NAA60: variants seen among roughly 807,000 people sequenced by gnomAD.
NAA60 encodes N-alpha-acetyltransferase 60.
Under a neutral mutation model 26.1 loss-of-function variants are expected in NAA60, and 8 were observed. That is an observed-to-expected ratio of 0.31 (90% CI 0.18 to 0.55). The LOEUF (loss-of-function observed/expected upper bound fraction) is 0.55. Among genes scored for constraint, NAA60 ranks in the 20% least tolerant of loss-of-function variants. NAA60 has a pLI of 0.93. For synonymous variants in NAA60, 131 were observed against 122.5 expected (o/e 1.07, Z -0.46); for missense variants, 290 against 311.3 (o/e 0.93, Z 0.51).
rs751358847 is a variant in NAA60 at position 3,484,699 on chromosome 16, G to A, written c.573G>A (p.Leu191=). 21 of 1,589,108 alleles carry A rather than the reference G, an allele frequency of 1.3e-5. No individual in the cohort carries two copies. Among genetic ancestry groups the A allele is most frequent in the Non-Finnish European group, 1.8e-5 (21 of 1,168,908 alleles). ...GGAATCTTCCTTAACAGAGCCCCAC[G>A]GACTACATCCAGCACCTGGGCTCTG... ...INGGHPPWTI[L]DYIQHLGSAL... The change falls in exon 7 of 8, where the codon TTG becomes TTA. Residue 191 remains leucine (L), a splice_region_variant and synonymous_variant. Coordinates refer to ENST00000407558, the MANE Select transcript of NAA60 (RefSeq NM_001083601.3).
intron 6 of NAA60, 44 bp downstream of exon 6, chr16:3,483,641 A>C: frequency 6.7e-7 from 1 of 1,492,374 alleles, no homozygotes; most frequent in Non-Finnish European, 9.3e-7. Context: ...CTTCCTGTCC[A>C]TAAGGTGGCA....
intron 2 of NAA60, among the ~76,000 whole-genome samples, chr16:3,460,712 G>A (rs549602996): frequency 2.2e-4 from 34 of 152,328 alleles, no homozygotes; most frequent in African/African-American, 7.2e-4. Context: ...AGAAAGCAAG[G>A]CTGGGGTGTG....
chr16:3,465,859 A>G (rs955566778), intron 2 of NAA60, among the ~76,000 whole-genome samples: 1 of 152,164 alleles, frequency 6.6e-6, no homozygotes, highest in Non-Finnish European at 1.5e-5. Flanking sequence ...TGAGACCCCG[A>G]TACCCAGGGT....
At chr16:3,458,010 G>C in intron 2 of NAA60, 1 of 985,382 alleles carries the variant, frequency 1.0e-6, no homozygotes. Flanking sequence ...TGCGCTGCCG[G>C]CAGGGAGCGG....
intron 2 of NAA60, among the ~76,000 whole-genome samples, chr16:3,475,331 C>G (rs2036411294): frequency 6.6e-6 from 1 of 152,168 alleles, no homozygotes; most frequent in East Asian, 1.9e-4. Context: ...CTCAGGCAGT[C>G]CACCCACCTT....
rs1422641804 is a variant in NAA60 at position 3,485,063 on chromosome 16, TA to T, written c.*206+3del. 9.7e-5 allele frequency: 140 copies of T among 1,447,574 alleles called. No homozygotes were observed. The Admixed American group carries it at 9.8e-4, about 10-fold the overall frequency. The allele number at this position is 1,447,574 out of a possible 1,614,324, so 89.7% of individuals were successfully genotyped here. On this transcript the variant is annotated splice_donor_region_variant and intron_variant, in intron 7 of 7. Transcript: ENST00000407558. ...GCAGAGCATGCCCATCCGTGGCAGG[TA>T]CGCCACAGCAGACACAAAGGTATGG...
At chr16:3,481,989 G>A (rs1336373836) in intron 4 of NAA60, among the ~76,000 whole-genome samples, 3 of 152,138 alleles carry the variant, frequency 2.0e-5, no homozygotes, top group Non-Finnish European at 4.4e-5. Flanking sequence ...CAGGTGTGGC[G>A]GTGTCCTCTG....
intron 2 of NAA60, among the ~76,000 whole-genome samples, chr16:3,462,940 A>T (rs1486252757): frequency 6.6e-6 from 1 of 152,228 alleles, no homozygotes; most frequent in African/African-American, 2.4e-5. Context: ...AAATTTCTAA[A>T]TATTTTTTAA....
At chr16:3,477,676 C>T (rs969828111) in intron 3 of NAA60, among the ~76,000 whole-genome samples, 6 of 150,892 alleles carry the variant, frequency 4.0e-5, no homozygotes, top group Non-Finnish European at 5.9e-5. Context: ...GTGGCTCACG[C>T]CTGTAATCCC....
intron 4 of NAA60, among the ~76,000 whole-genome samples, chr16:3,482,245 G>A (rs535594118): frequency 1.3e-5 from 2 of 152,316 alleles, no homozygotes; most frequent in East Asian, 3.9e-4. Flanking sequence ...TCCTTGGCTA[G>A]GCCTCCCACA....
Position 3,483,520 on chromosome 16 carries a change from C to T in NAA60, c.495C>T (p.Tyr165=), listed in dbSNP as rs200743936. ...AGCACCACTATCTCCCCTATTACTA[C>T]TCCATTCGAGGGGTCCTCAAAGATG... ...FKQHHYLPYY[Y]SIRGVLKDGF... The change falls in exon 6 of 8, where the codon TAC becomes TAT. Residue 165 remains tyrosine (Y), a synonymous_variant. Transcript: ENST00000407558. 2.4e-4 allele frequency: 382 copies of T among 1,613,810 alleles called. No homozygotes were observed. Among genetic ancestry groups the T allele is most frequent in the Non-Finnish European group, 3.1e-4 (367 of 1,179,820 alleles).
chr16:3,464,599 C>G (rs2035620630), intron 2 of NAA60, among the ~76,000 whole-genome samples: 1 of 152,150 alleles, frequency 6.6e-6, no homozygotes, highest in South Asian at 2.1e-4. Context: ...CAGACAGATT[C>G]TTGGTTGAGC....
chr16:3,478,729 A>G (rs2036638317), intron 3 of NAA60, among the ~76,000 whole-genome samples: 1 of 152,046 alleles, frequency 6.6e-6, no homozygotes, highest in African/African-American at 2.4e-5. Context: ...TGTAAACTCA[A>G]ACGCCTGTCA....
rs370774169 is a variant in NAA60 at position 3,483,512 on chromosome 16, T to G, written c.487T>G (p.Tyr163Asp). The change falls in exon 6 of 8, where the codon TAT becomes GAT. Residue 163 changes from tyrosine (Y) to aspartate (D), a missense_variant. Coordinates refer to ENST00000407558, the MANE Select transcript of NAA60 (RefSeq NM_001083601.3). ...RDFKQHHYLP[Y>D]YYSIRGVLKD... ...CTTCAAGCAGCACCACTATCTCCCC[T>G]ATTACTACTCCATTCGAGGGGTCCT... is the stretch of plus-strand genomic sequence containing the variant. 1 of 1,613,772 alleles carries G rather than the reference T, an allele frequency of 6.2e-7. No individual in the cohort carries two copies. Among genetic ancestry groups the G allele is most frequent in the African/African-American group, 1.3e-5 (1 of 74,928 alleles).
intron 2 of NAA60, among the ~76,000 whole-genome samples, chr16:3,455,032 A>G (rs1041594094): frequency 1.3e-5 from 2 of 152,050 alleles, no homozygotes; most frequent in Non-Finnish European, 2.9e-5. Context: ...AGAAATAGTT[A>G]TTTTCTCATT....
chr16:3,480,249 C>T (rs536715761), intron 4 of NAA60, among the ~76,000 whole-genome samples: 1 of 152,276 alleles, frequency 6.6e-6, no homozygotes, highest in African/African-American at 2.4e-5. Flanking sequence ...GGGAAAAACC[C>T]ACCAACAACT....
At position 3,485,938 on chromosome 16, in the gene NAA60, G is replaced by T. The variant is rs983648228; in HGVS notation, c.*678G>T. The stretch of plus-strand genomic sequence containing the variant: ...GTTCCTACTCCTCAGCACCTTCCGT[G>T]CAGTTACCAGTGCCCTGGGAGGTCA... On this transcript the variant is annotated 3_prime_UTR_variant, in exon 8 of 8. Coordinates refer to ENST00000407558, the MANE Select transcript of NAA60 (RefSeq NM_001083601.3). 5 of 323,384 alleles carry T rather than the reference G, an allele frequency of 1.5e-5. No homozygotes were observed. The highest frequency in any genetic ancestry group is 3.1e-5 in the Non-Finnish European group (5 of 163,466). 20.0% of individuals were successfully genotyped at this position (323,384 alleles called of 1,614,324 possible).
chr16:3,445,068 G>T (rs1470356368), intron 1 of NAA60, among the ~76,000 whole-genome samples: 2 of 152,216 alleles, frequency 1.3e-5, no homozygotes, highest in African/African-American at 4.8e-5. Flanking sequence ...CACAAAAGAG[G>T]TAGCTGTGAA....
At chr16:3,470,979 G>GC (rs2036099777) in intron 2 of NAA60, among the ~76,000 whole-genome samples, 7 of 56,244 alleles carry the variant, frequency 1.2e-4, no homozygotes, top group Admixed American at 1.1e-3. Context: ...TTTTTAAATC[G>GC]AGTGTAAAGA....
Sources: gnomAD v4.1 joint callset for allele counts (sites outside exome capture counted in the v4.1 genomes callset) on GRCh38, gnomAD v4.1.1 for gene constraint, MANE v1.5 for transcripts, NCBI Gene and HGNC (gene_info 2026-07-23, HGNC 2026-07-21) for gene names.